Variants in ERC1 observed in about 807,000 individuals in gnomAD.
ERC1 encodes ELKS/RAB6-interacting/CAST family member 1.
ERC1 carries 56 observed loss-of-function variants against 132.0 expected under a neutral mutation model. That is an observed-to-expected ratio of 0.42 (90% CI 0.34 to 0.53). The LOEUF (loss-of-function observed/expected upper bound fraction) is 0.53. Among genes scored for constraint, ERC1 ranks in the 20% least tolerant of loss-of-function variants. The probability of loss-of-function intolerance (pLI) is 0.03; values close to 1 mark genes in which losing one functional copy is unlikely to be tolerated. For missense variants in ERC1, 1,202 were observed against 1,349.9 expected (o/e 0.89, Z 1.72); for synonymous variants, 478 against 476.1 (o/e 1.00, Z -0.05).
intron 17 of ERC1, among the ~76,000 whole-genome samples, chr12:1,411,836 A>G (rs996363683): frequency 6.6e-6 from 1 of 152,176 alleles, no homozygotes; most frequent in African/African-American, 2.4e-5. Flanking sequence ...TTTCTGGCCA[A>G]TCAGAGGAAG....
rs12820186 is a variant in ERC1 at position 1,401,186 on chromosome 12, A to G, written c.2926-6963A>G. Among the ~76,000 whole-genome samples, 1,184 of 151,882 alleles carry G rather than the reference A, an allele frequency of 7.8e-3. 10 individuals are homozygous for G. The highest frequency in any genetic ancestry group is 0.026 in the African/African-American group (1,094 of 41,304). ...CCTGACCTTGTGATCCGCCCGTCTCAGCCTTCCAAAGTGCTGGGATTACAG... is the reference window on the plus strand; with the variant it reads ...CCTGACCTTGTGATCCGCCCGTCTCGGCCTTCCAAAGTGCTGGGATTACAG... On this transcript the variant is annotated intron_variant, in intron 16 of 18. Coordinates refer to ENST00000360905, the MANE Select transcript of ERC1 (RefSeq NM_178040.4).
At chr12:1,072,108 A>C (rs1272034618) in intron 2 of ERC1, among the ~76,000 whole-genome samples, 1 of 152,016 alleles carries the variant, frequency 6.6e-6, no homozygotes, top group Non-Finnish European at 1.5e-5. Flanking sequence ...CTCAAAAAAA[A>C]AAACAAAAAA....
intron 7 of ERC1, among the ~76,000 whole-genome samples, chr12:1,129,334 A>G (rs11061647): frequency 0.59 from 89,530 of 151,858 alleles, 29,717 homozygotes; most frequent in East Asian, 0.87. Context: ...AAAACTAACA[A>G]CAACAACAAA....
At chr12:1,458,194 G>A (rs1210144755) in intron 18 of ERC1, among the ~76,000 whole-genome samples, 1 of 152,204 alleles carries the variant, frequency 6.6e-6, no homozygotes, top group Non-Finnish European at 1.5e-5. Context: ...ATTTTTGGGA[G>A]GCGAGGGCTG....
chr12:1,411,502 G>A lies in ERC1; in HGVS notation c.3024+3255G>A, dbSNP rs192166547. ...GCCATGCGCTGTGAGGTGGGAAGCTGTCCAGATGGCTTTATCCTGAGGGCA... is the reference window on the plus strand; with the variant it reads ...GCCATGCGCTGTGAGGTGGGAAGCTATCCAGATGGCTTTATCCTGAGGGCA... On this transcript the variant is annotated intron_variant, in intron 17 of 18. Transcript: ENST00000360905. Among the ~76,000 whole-genome samples, 94 of 152,232 alleles carry A rather than the reference G, an allele frequency of 6.2e-4. 1 individual carries two copies. Among genetic ancestry groups the A allele is most frequent in the African/African-American group, 2.2e-3 (91 of 41,540 alleles).
intron 18 of ERC1, among the ~76,000 whole-genome samples, chr12:1,447,891 C>T (rs1004856687): frequency 2.0e-5 from 3 of 152,152 alleles, no homozygotes; most frequent in Admixed American, 6.5e-5. Context: ...CTCAGGCAGA[C>T]GGCCTGCCTT....
chr12:1,425,744 G>T (rs2092614952), intron 17 of ERC1, among the ~76,000 whole-genome samples: 3 of 152,146 alleles, frequency 2.0e-5, no homozygotes. Context: ...TGGCCCTAAT[G>T]CACAGAGCTA....
intron 11 of ERC1, among the ~76,000 whole-genome samples, chr12:1,186,193 C>A (rs1955072124): frequency 6.6e-6 from 1 of 152,008 alleles, no homozygotes; most frequent in Admixed American, 6.5e-5. Flanking sequence ...TTTTTGAAAC[C>A]ATTTTAAGGG....
chr12:1,480,447 A>T (rs2094066117), intron 18 of ERC1, among the ~76,000 whole-genome samples: 1 of 152,158 alleles, frequency 6.6e-6, no homozygotes, highest in African/African-American at 2.4e-5. Context: ...AGTATTTTTC[A>T]CTGTAATAGT....
chr12:1,056,382 C>T (rs1482042373), intron 2 of ERC1, among the ~76,000 whole-genome samples: 1 of 151,522 alleles, frequency 6.6e-6, no homozygotes, highest in African/African-American at 2.4e-5. Context: ...GAGTGAGGTT[C>T]AGAGTGGAAG....
At position 1,095,258 on chromosome 12, in the gene ERC1, C is replaced by T. The variant is rs1028315572; in HGVS notation, c.1087-9492C>T. Among the ~76,000 whole-genome samples the T allele has an allele frequency of 5.9e-5, 9 of 151,878 alleles. No homozygotes were observed. The South Asian group carries it at 8.3e-4, about 14-fold the overall frequency. On this transcript the variant is annotated intron_variant, in intron 3 of 18. Transcript: ENST00000360905. ...CAGCCTGGCCAACATGCTGAAATGC[C>T]GTCTCTACTAAAAATACAAATATTA... is the stretch of plus-strand genomic sequence containing the variant.
intron 18 of ERC1, among the ~76,000 whole-genome samples, chr12:1,471,876 G>T (rs2093868804): frequency 6.6e-6 from 1 of 152,342 alleles, no homozygotes; most frequent in Middle Eastern, 3.4e-3. Context: ...AGTAGAGCCT[G>T]ATCCACTAAC....
At chr12:1,431,083 A>G (rs1362052357) in intron 17 of ERC1, among the ~76,000 whole-genome samples, 2 of 152,176 alleles carry the variant, frequency 1.3e-5, no homozygotes, top group Non-Finnish European at 2.9e-5. Context: ...ACTCAGGGAA[A>G]AGCAATGAAA....
At chr12:1,342,919 A>G (rs922085583) in intron 15 of ERC1, among the ~76,000 whole-genome samples, 9 of 152,230 alleles carry the variant, frequency 5.9e-5, no homozygotes, top group Admixed American at 6.5e-5. Context: ...GTAATCCATT[A>G]CATGAATGCA....
rs571245514 is a variant in ERC1 at position 1,107,156 on chromosome 12, C to A, written c.1161+2332C>A. ...CCATTTTCCCTCATTCCAGCCTTTC[C>A]TTCTTTGTTCCTCTTCTTCTCTTTC... On this transcript the variant is annotated intron_variant, in intron 4 of 18. Coordinates refer to ENST00000360905, the MANE Select transcript of ERC1 (RefSeq NM_178040.4). 2.0e-5 allele frequency among the ~76,000 whole-genome samples: 3 copies of A among 152,244 alleles called. No individual in the cohort carries two copies. In the South Asian group the frequency reaches 6.2e-4, roughly 32 times the overall value.
chr12:1,417,937 A>G (rs1347100386), intron 17 of ERC1, among the ~76,000 whole-genome samples: 1 of 152,232 alleles, frequency 6.6e-6, no homozygotes, highest in Non-Finnish European at 1.5e-5. Flanking sequence ...CATTGTAAGC[A>G]TGTTTTCATT....
intron 7 of ERC1, among the ~76,000 whole-genome samples, chr12:1,126,404 T>C (rs967750525): frequency 6.6e-6 from 1 of 152,068 alleles, no homozygotes; most frequent in Non-Finnish European, 1.5e-5. Flanking sequence ...ATTAAGCAAG[T>C]ATGAGAAAAC....
In ERC1 at chr12:1,122,611, C is replaced by A. The variant is rs57764855; in HGVS notation, c.1569+6578C>A. ...TCTATCTCTATCTGTGTCTCTATCT[C>A]TATCTCTATCTGTGTCTCTATCTCT... On this transcript the variant is annotated intron_variant, in intron 7 of 18. Coordinates refer to ENST00000360905, the MANE Select transcript of ERC1 (RefSeq NM_178040.4). Among the ~76,000 whole-genome samples, 27 of 6,392 alleles carry A rather than the reference C, an allele frequency of 4.2e-3. 3 individuals are homozygous for A. The highest frequency in any genetic ancestry group is 0.024 in the South Asian group (2 of 82). 4.2% of individuals were successfully genotyped at this position (6,392 alleles called of 152,430 possible). A position where few individuals can be genotyped will look rare whatever the true frequency, so the allele number is the denominator to read the frequency against.
rs1443872361 is a variant in ERC1, at chr12:1,440,622, G to T, written c.3025-3940G>T. Among the ~76,000 whole-genome samples, 150 of 99,202 alleles carry T rather than the reference G, an allele frequency of 1.5e-3. 18 individuals carry two copies. The highest frequency in any genetic ancestry group is 9.7e-3 in the African/African-American group (139 of 14,360). The allele number at this position is 99,202 out of a possible 152,430, so 65.1% of individuals were successfully genotyped here. ...CTTTTGTGTGTGTGTGTGTGTGTGT[G>T]TGTGTGTGTGTGTGTGTGTGTGTGT... On this transcript the variant is annotated intron_variant, in intron 17 of 18. Coordinates refer to ENST00000360905, the MANE Select transcript of ERC1 (RefSeq NM_178040.4).
Sources: gnomAD v4.1 joint callset for allele counts (sites outside exome capture counted in the v4.1 genomes callset) on GRCh38, gnomAD v4.1.1 for gene constraint, MANE v1.5 for transcripts, NCBI Gene and HGNC (gene_info 2026-07-23, HGNC 2026-07-21) for gene names.